Variants in FHIT observed in about 807,000 individuals in gnomAD.
FHIT encodes the protein bis(5'-adenosyl)-triphosphatase.
FHIT carries 19 observed loss-of-function variants against 17.9 expected under a neutral mutation model. The ratio of observed to expected loss-of-function variants is 1.06; its 90% CI spans 0.74 to 1.56. FHIT has a LOEUF of 1.56. Ranked by LOEUF, FHIT falls within the 40% of genes most tolerant of loss-of-function variation. The pLI, the probability that FHIT is intolerant of heterozygous loss-of-function variation, is 0.00. For synonymous variants in FHIT, 81 were observed against 69.7 expected, an observed-to-expected ratio of 1.16 and a Z score of -0.81; for missense variants, 248 against 189.2, an observed-to-expected ratio of 1.31 and a Z score of -1.82.
At chr3:60,571,335 C>CAATAAAAAAAAAAAA (rs750168873) in intron 4 of FHIT, among the ~76,000 whole-genome samples, 2 of 54,676 alleles carry the variant, frequency 3.7e-5, no homozygotes, top group Non-Finnish European at 6.4e-5. Context: ...GACTCCATCG[C>CAATAAAAAAAAAAAA]AAAAAAAAAA....
At chr3:60,652,438 C>T (rs2040012563) in intron 4 of FHIT, among the ~76,000 whole-genome samples, 1 of 151,950 alleles carries the variant, frequency 6.6e-6, no homozygotes, top group Admixed American at 6.6e-5. Flanking sequence ...CCCATCTCTA[C>T]TAAAATACAA....
chr3:59,877,127 G>T (rs1388052249), intron 8 of FHIT, among the ~76,000 whole-genome samples: 1 of 152,174 alleles, frequency 6.6e-6, no homozygotes, highest in Non-Finnish European at 1.5e-5. Flanking sequence ...AAGAAGGGAA[G>T]ATGTTATATT....
chr3:60,283,234 C>T (rs1002404214), intron 5 of FHIT, among the ~76,000 whole-genome samples: 5 of 152,042 alleles, frequency 3.3e-5, no homozygotes, highest in Non-Finnish European at 5.9e-5. Context: ...GATATATACA[C>T]ACACACACAT....
At chr3:60,372,268 C>A (rs1700360655) in intron 5 of FHIT, among the ~76,000 whole-genome samples, 1 of 152,136 alleles carries the variant, frequency 6.6e-6, no homozygotes, top group African/African-American at 2.4e-5. Flanking sequence ...CATCTTTAAG[C>A]CAACCTTCCA....
chr3:60,260,437 G>A (rs144814749), intron 5 of FHIT, among the ~76,000 whole-genome samples: 57 of 151,684 alleles, frequency 3.8e-4, no homozygotes, highest in African/African-American at 9.7e-4. Context: ...AGGTGTAAGC[G>A]TTAAAACTTG....
intron 5 of FHIT, among the ~76,000 whole-genome samples, chr3:60,357,723 A>G (rs1310782788): frequency 2.6e-5 from 4 of 152,202 alleles, no homozygotes; most frequent in Non-Finnish European, 5.9e-5. Context: ...ATATACTTTC[A>G]TATTGATACA....
At chr3:60,035,949 T>G (rs142949445) in intron 5 of FHIT, among the ~76,000 whole-genome samples, 1 of 152,232 alleles carries the variant, frequency 6.6e-6, no homozygotes, top group Non-Finnish European at 1.5e-5. Flanking sequence ...TTGTCCATGG[T>G]GGGCCAGCAG....
At chr3:59,924,594 C>G (rs538403344) in intron 7 of FHIT, among the ~76,000 whole-genome samples, 1 of 152,236 alleles carries the variant, frequency 6.6e-6, no homozygotes, top group South Asian at 2.1e-4. Context: ...TAGAACTGTA[C>G]AAGAATTAGT....
chr3:60,386,858 A>G (rs1349965241), intron 5 of FHIT, among the ~76,000 whole-genome samples: 2 of 152,132 alleles, frequency 1.3e-5, no homozygotes, highest in East Asian at 3.9e-4. Flanking sequence ...TATGTCCACT[A>G]TAGCGTAAAC....
Position 61,094,797 on chromosome 3 carries a change from G to C in FHIT, c.-163-52698C>G, listed in dbSNP as rs181576441. On this transcript the variant is annotated intron_variant, in intron 2 of 9. Transcript: ENST00000492590. Reference sequence around the variant, plus strand: ...AATGATTAAGTGATGAATGGACAGGGAGCATCTACAGTGCATATGCTGGAC... The same window carrying C: ...AATGATTAAGTGATGAATGGACAGGCAGCATCTACAGTGCATATGCTGGAC... Among the ~76,000 whole-genome samples the C allele has an allele frequency of 2.6e-5, 4 of 152,276 alleles. No individual in the cohort carries two copies. The East Asian group carries it at 7.7e-4, about 29-fold the overall frequency.
intron 5 of FHIT, among the ~76,000 whole-genome samples, chr3:60,417,687 T>C (rs915933096): frequency 2.6e-5 from 4 of 152,132 alleles, no homozygotes; most frequent in Non-Finnish European, 5.9e-5. Flanking sequence ...TTTCAGAATG[T>C]TCCCGGGGCT....
intron 5 of FHIT, among the ~76,000 whole-genome samples, chr3:60,124,261 C>T (rs753980000): frequency 1.3e-5 from 2 of 151,660 alleles, no homozygotes; most frequent in South Asian, 2.1e-4. Context: ...CCTAGAGACA[C>T]CAGACCAGTT....
At chr3:60,613,381 G>A (rs138533124) in intron 4 of FHIT, among the ~76,000 whole-genome samples, 1 of 152,188 alleles carries the variant, frequency 6.6e-6, no homozygotes, top group Non-Finnish European at 1.5e-5. Context: ...GCAGTGCAGT[G>A]AGAGATGGGC....
At chr3:60,825,799 T>C (rs1295984538) in intron 3 of FHIT, among the ~76,000 whole-genome samples, 1 of 152,048 alleles carries the variant, frequency 6.6e-6, no homozygotes, top group African/African-American at 2.4e-5. Context: ...TGCCAAAAAG[T>C]TGGGGACTGC....
Position 60,955,617 on chromosome 3 carries a change from T to TACATATATATATAC in FHIT, c.-111+86429_-111+86430insGTATATATATATGT, listed in dbSNP as rs1559862368. 2.8e-3 allele frequency among the ~76,000 whole-genome samples: 39 copies of TACATATATATATAC among 13,862 alleles called. 2 individuals are homozygous for TACATATATATATAC. Among genetic ancestry groups the TACATATATATATAC allele is most frequent in the Middle Eastern group, 0.031 (1 of 32 alleles). 9.1% of individuals were successfully genotyped at this position (13,862 alleles called of 152,430 possible). A position where few individuals can be genotyped will look rare whatever the true frequency, so the allele number is the denominator to read the frequency against. On this transcript the variant is annotated intron_variant, in intron 3 of 9. Coordinates refer to ENST00000492590, the MANE Select transcript of FHIT (RefSeq NM_002012.4). ...ATATACATATATATATATATATATA[T>TACATATATATATAC]ATATATATATATATATACACACACA...
chr3:60,516,081 G>A lies in FHIT; in HGVS notation c.103+20779C>T, dbSNP rs115836338. Among the ~76,000 whole-genome samples the A allele has an allele frequency of 9.9e-3, 1,500 of 152,228 alleles. 26 individuals are homozygous for A. The highest frequency in any genetic ancestry group is 0.034 in the African/African-American group (1,430 of 41,548). On this transcript the variant is annotated intron_variant, in intron 5 of 9. Coordinates refer to ENST00000492590, the MANE Select transcript of FHIT (RefSeq NM_002012.4). ...AAAGGAGTGGGGAAACATACTATGG[G>A]TTCAGAGGACCTATCCACAAACCTG...
chr3:60,536,859 C>A lies in FHIT; in HGVS notation c.103+1G>T, dbSNP rs768812859. 5 of 1,588,290 alleles carry A rather than the reference C, an allele frequency of 3.1e-6. No individual in the cohort carries two copies. The highest frequency in any genetic ancestry group is 4.3e-6 in the Non-Finnish European group (5 of 1,171,264). On this transcript the variant is annotated splice_donor_variant, in intron 5 of 9. Transcript: ENST00000492590. LOFTEE classifies it high-confidence loss of function. The stretch of plus-strand genomic sequence containing the variant: ...TCTCCAAAAAAAAAAAGAAAGGATA[C>A]GTCCTGGTACCACAGGTTTCCTATT...
chr3:60,056,662 C>T (rs1405481328), intron 5 of FHIT, among the ~76,000 whole-genome samples: 1 of 152,216 alleles, frequency 6.6e-6, no homozygotes, highest in African/African-American at 2.4e-5. Context: ...AGATTTTACA[C>T]CCTGATACCA....
chr3:60,368,321 T>C (rs1700193669), intron 5 of FHIT, among the ~76,000 whole-genome samples: 1 of 152,092 alleles, frequency 6.6e-6, no homozygotes, highest in Non-Finnish European at 1.5e-5. Flanking sequence ...GTTTTAATTT[T>C]AGCTCTTCAA....
Sources: allele counts gnomAD v4.1 joint callset (sites outside exome capture counted in the v4.1 genomes callset), GRCh38; gene constraint gnomAD v4.1.1; transcripts MANE v1.5; gene names NCBI Gene and HGNC (gene_info 2026-07-23, HGNC 2026-07-21).